The following ZNF233 variants were observed in gnomAD, a reference collection of about 807,000 sequenced individuals.
The protein encoded by ZNF233 is zinc finger protein 233.
In ZNF233, 7 loss-of-function variants were observed where a neutral mutation model predicts 11.6. The ratio of observed to expected loss-of-function variants is 0.60; its 90% CI spans 0.34 to 1.13. The LOEUF (loss-of-function observed/expected upper bound fraction) is 1.13. ZNF233 is among the 50% of genes most tolerant of loss of function. The pLI is 0.03. For synonymous variants in ZNF233, 226 were observed against 268.5 expected, an observed-to-expected ratio of 0.84 and a Z score of 1.55; for missense variants, 711 against 785.5, an observed-to-expected ratio of 0.91 and a Z score of 1.13.
At chr19:44,263,994 T>C (rs1974999907) in intron 1 of ZNF233, among the ~76,000 whole-genome samples, 1 of 152,206 alleles carries the variant, frequency 6.6e-6, no homozygotes, top group Admixed American at 6.5e-5. Context: ...ACAGAGTTAG[T>C]AGCCATGCCA....
intron 4 of ZNF233, among the ~76,000 whole-genome samples, chr19:44,268,999 G>A (rs893128690): frequency 1.3e-5 from 2 of 152,216 alleles, no homozygotes; most frequent in Non-Finnish European, 2.9e-5. Flanking sequence ...CCTGGATTTT[G>A]TAAGTAGCTG....
intron 4 of ZNF233, among the ~76,000 whole-genome samples, chr19:44,268,491 G>A (rs776122002): frequency 1.1e-4 from 16 of 152,152 alleles, no homozygotes; most frequent in Admixed American, 2.0e-4. Context: ...AATATTACCT[G>A]TTTTAAAATT....
chr19:44,265,376 C>T (rs201188172), intron 2 of ZNF233, among the ~76,000 whole-genome samples: 39,443 of 145,068 alleles, frequency 0.27, 6,396 homozygotes, highest in East Asian at 0.46. Flanking sequence ...TACACACACA[C>T]ACACACACAC....
At chr19:44,262,998 A>G (rs974101690) in intron 1 of ZNF233, among the ~76,000 whole-genome samples, 1 of 152,154 alleles carries the variant, frequency 6.6e-6, no homozygotes, top group African/African-American at 2.4e-5. Flanking sequence ...ATTCAGATGC[A>G]GTCTCACCTC....
intron 4 of ZNF233, chr19:44,267,454 C>T (rs920641478): frequency 1.0e-5 from 4 of 397,690 alleles, no homozygotes; most frequent in South Asian, 1.3e-4. Context: ...CAGGCTCAAT[C>T]GATCTTCTCA....
rs565785929 is a variant in ZNF233, at chr19:44,262,387, A to C, written c.-47-1927A>C. On this transcript the variant is annotated intron_variant, in intron 1 of 4. Transcript: ENST00000683810. ...GGACTTGACAACCTAGGAATGAACA[A>C]AGTCTGGAAATTCAGGCCTCGAAAA... 2.6e-5 allele frequency among the ~76,000 whole-genome samples: 4 copies of C among 152,306 alleles called. No individual in the cohort carries two copies. In the South Asian group the frequency reaches 8.3e-4, roughly 32 times the overall value.
intron 1 of ZNF233, among the ~76,000 whole-genome samples, chr19:44,261,641 GATTTC>G (rs954404135): frequency 9.5e-5 from 14 of 147,324 alleles, no homozygotes; most frequent in Non-Finnish European, 1.8e-4. Context: ...TTTTATGAAT[GATTTC>G]ACTTTTTTTT....
At position 44,264,343 on chromosome 19, in the gene ZNF233, CAGA is replaced by C; in HGVS notation, c.-15_-13del. On this transcript the variant is annotated 5_prime_UTR_variant, in exon 2 of 5. Transcript: ENST00000683810. ...GCCTTCCCAGGACCCTGCCCTTCCC[CAGA>C]AGGAGCAGGAGAAAATGACCAAGTT... 1 of 1,613,172 alleles carries C rather than the reference CAGA, an allele frequency of 6.2e-7. No homozygotes were observed. Among genetic ancestry groups the C allele is most frequent in the East Asian group, 2.2e-5 (1 of 44,792 alleles).
intron 4 of ZNF233, among the ~76,000 whole-genome samples, chr19:44,269,156 T>C (rs754849272): frequency 1.4e-4 from 22 of 152,308 alleles, no homozygotes; most frequent in Non-Finnish European, 3.1e-4. Flanking sequence ...TTTTTTGTTT[T>C]TGACTGCCTC....
intron 1 of ZNF233, among the ~76,000 whole-genome samples, chr19:44,262,653 G>A (rs1453085605): frequency 6.6e-6 from 1 of 152,192 alleles, no homozygotes. Flanking sequence ...TCTGCCTGAA[G>A]TAGGAGGACC....
At chr19:44,270,927 C>G (rs1238444100) in intron 4 of ZNF233, among the ~76,000 whole-genome samples, 1 of 152,104 alleles carries the variant, frequency 6.6e-6, no homozygotes, top group Non-Finnish European at 1.5e-5. Context: ...GTTTCACAGA[C>G]CAAACTTGAT....
chr19:44,274,159 G>GA lies in ZNF233; in HGVS notation c.1500dup (p.Val501SerfsTer11), dbSNP rs1568637648. On this transcript the variant is annotated frameshift_variant, in exon 5 of 5. Coordinates refer to ENST00000683810, the MANE Select transcript of ZNF233 (RefSeq NM_001207005.2). LOFTEE classifies it low-confidence loss of function (END_TRUNC). ...AATTCCCACCTTCAGGCCCATCAGA[G>GA]AGTCCATACAGGAGAGAAACCCTAC... 1 of 1,614,010 alleles carries GA rather than the reference G, an allele frequency of 6.2e-7. No homozygotes were observed. The highest frequency in any genetic ancestry group is 8.5e-7 in the Non-Finnish European group (1 of 1,180,006).
chr19:44,274,638 A>C lies in ZNF233; in HGVS notation c.1978A>C (p.Ser660Arg). Residue 660 changes from serine to arginine, a missense_variant, in exon 5 of 5, where the codon AGT becomes CGT. Physicochemically the swap from Ser to Arg is moderately radical, Grantham distance 110. Coordinates refer to ENST00000683810, the MANE Select transcript of ZNF233 (RefSeq NM_001207005.2). The part of the protein sequence containing the change: ...CFVCGKGFSK[S>R]SLSSDSSESP ...TGTGTGTGGTAAGGGCTTTAGTAAG[A>C]GTTCGTTGTCTTCAGATTCATCAGA... 2 of 1,579,374 alleles carry C rather than the reference A, an allele frequency of 1.3e-6. No individual in the cohort carries two copies. Among genetic ancestry groups the C allele is most frequent in the East Asian group, 4.5e-5 (2 of 44,384 alleles).
In ZNF233 at chr19:44,273,012, A is replaced by G. The variant is rs770651641; in HGVS notation, c.352A>G (p.Ser118Gly). The G allele has an allele frequency of 6.2e-7, 1 of 1,614,088 alleles. No individual in the cohort carries two copies. Among genetic ancestry groups the G allele is most frequent in the East Asian group, 2.2e-5 (1 of 44,872 alleles). ...IWEQFTSKLT[S>G]NQDLIINLQG... ...GGAACAATTTACAAGTAAATTAACC[A>G]GTAATCAAGACCTAATAATAAATCT... Residue 118 changes from serine (S) to glycine (G), a missense_variant, in exon 5 of 5, where the codon AGT becomes GGT. Transcript: ENST00000683810.
In ZNF233 at chr19:44,274,281, T is replaced by C. The variant is rs368288751; in HGVS notation, c.1621T>C (p.Cys541Arg). Residue 541 changes from cysteine to arginine, a missense_variant, in exon 5 of 5, where the codon TGT (cysteine) becomes CGT (arginine). Physicochemically the swap from Cys to Arg is radical, Grantham distance 180. Coordinates refer to ENST00000683810, the MANE Select transcript of ZNF233 (RefSeq NM_001207005.2). ...KGEKPYKCET[C>R]GKGFSQSSHL... ...AGAGAAGCCATACAAATGTGAGACA[T>C]GTGGGAAGGGCTTTAGTCAGAGTTC... 11 of 1,613,230 alleles carry C rather than the reference T, an allele frequency of 6.8e-6. No individual in the cohort carries two copies. Among genetic ancestry groups the C allele is most frequent in the African/African-American group, 5.3e-5 (4 of 74,874 alleles).
rs1294803899 is a variant in ZNF233 at position 44,264,785 on chromosome 19, TAG to T, written c.15+413_15+414del. Among the ~76,000 whole-genome samples, 3 of 151,850 alleles carry T rather than the reference TAG, an allele frequency of 2.0e-5. No individual in the cohort carries two copies. In the East Asian group the frequency reaches 5.8e-4, roughly 29 times the overall value. ...TTCTTTTTTCAGTTAATGTTGTTAC[TAG>T]AGTTTTATATGATTTAGTGTTCCTT... is the stretch of plus-strand genomic sequence containing the variant. On this transcript the variant is annotated intron_variant, in intron 2 of 4. Coordinates refer to ENST00000683810, the MANE Select transcript of ZNF233 (RefSeq NM_001207005.2).
At chr19:44,261,329 G>A (rs541930652) in intron 1 of ZNF233, among the ~76,000 whole-genome samples, 2 of 152,110 alleles carry the variant, frequency 1.3e-5, no homozygotes, top group Non-Finnish European at 2.9e-5. Context: ...TTGGGAGGCT[G>A]AGGCAGGAGG....
At chr19:44,260,638 G>A (rs529845354) in intron 1 of ZNF233, among the ~76,000 whole-genome samples, 1 of 152,246 alleles carries the variant, frequency 6.6e-6, no homozygotes, top group African/African-American at 2.4e-5. Flanking sequence ...CAGAAACAGA[G>A]TTTAGATATC....
chr19:44,266,767 G>GA (rs1375525559), intron 3 of ZNF233, 99 bp from the exon 4 acceptor site: 7 of 804,424 alleles, frequency 8.7e-6, no homozygotes. Flanking sequence ...TCACAATTTT[G>GA]AAAAATACTA....
Sources: gnomAD v4.1 joint callset for allele counts (sites outside exome capture counted in the v4.1 genomes callset) on GRCh38, gnomAD v4.1.1 for gene constraint, MANE v1.5 for transcripts, NCBI Gene and HGNC (gene_info 2026-07-23, HGNC 2026-07-21) for gene names.